The following CDKL1 variants were observed in gnomAD, a reference collection of about 807,000 sequenced individuals.
CDKL1 encodes cyclin-dependent kinase-like 1.
CDKL1 carries 41 observed loss-of-function variants against 42.0 expected under a neutral mutation model. The ratio of observed to expected loss-of-function variants is 0.98; its 90% CI spans 0.76 to 1.27. The LOEUF (loss-of-function observed/expected upper bound fraction) is 1.27, where lower values mean the gene tolerates loss of function less well. CDKL1 is among the 50% of genes most tolerant of loss of function. The pLI is 0.00. For missense variants in CDKL1, 394 were observed against 428.4 expected (o/e 0.92, Z 0.71); for synonymous variants, 153 against 158.6 (o/e 0.96, Z 0.26).
At position 50,385,711 on chromosome 14, in the gene CDKL1, C is replaced by T. The variant is rs908357318; in HGVS notation, c.168+9990G>A. ...CCCAGCTACTCGGGAGGCTGAAGCA[C>T]GAGAATCGCTTGAGCCCAAGGGGTG... On this transcript the variant is annotated intron_variant, in intron 2 of 9. Transcript: ENST00000395834. Among the ~76,000 whole-genome samples, 9 of 147,602 alleles carry T rather than the reference C, an allele frequency of 6.1e-5. 1 individual carries two copies. The South Asian group carries it at 1.3e-3, about 21-fold the overall frequency.
chr14:50,378,416 A>C (rs1463326959), intron 2 of CDKL1: 1 of 1,366,378 alleles, frequency 7.3e-7, no homozygotes, highest in Non-Finnish European at 9.8e-7. Flanking sequence ...GGGCCGTGAT[A>C]GTAGTAAAAT....
intron 2 of CDKL1, among the ~76,000 whole-genome samples, chr14:50,395,381 T>C (rs1381321106): frequency 1.3e-5 from 2 of 152,252 alleles, no homozygotes; most frequent in African/African-American, 4.8e-5. Flanking sequence ...TAGTGACTTG[T>C]GCACAGATAT....
At chr14:50,375,607 G>A (rs933385354) in intron 2 of CDKL1, among the ~76,000 whole-genome samples, 5 of 152,182 alleles carry the variant, frequency 3.3e-5, no homozygotes, top group East Asian at 3.9e-4. Context: ...GACCAGCCTG[G>A]CCAACATGGT....
At chr14:50,334,544 G>A in intron 8 of CDKL1, 21 bp downstream of exon 8, 2 of 1,468,728 alleles carry the variant, frequency 1.4e-6, no homozygotes, top group Non-Finnish European at 1.9e-6. Flanking sequence ...TTCCTGGTCT[G>A]TTGGAAGCCA....
chr14:50,335,392 G>T, intron 7 of CDKL1: 2 of 1,202,702 alleles, frequency 1.7e-6, no homozygotes, highest in South Asian at 1.3e-5. Context: ...GTGAACAGAT[G>T]CTTCTTGATT....
chr14:50,382,279 C>T (rs770718599), intron 2 of CDKL1, among the ~76,000 whole-genome samples: 6 of 152,022 alleles, frequency 3.9e-5, no homozygotes, highest in Non-Finnish European at 5.9e-5. Flanking sequence ...GGTGGAACCC[C>T]GTCTCTACTA....
intron 4 of CDKL1, chr14:50,342,506 T>C (rs2033582063): frequency 2.1e-6 from 2 of 950,706 alleles, no homozygotes; most frequent in Non-Finnish European, 2.7e-6. Context: ...CCAGTTAAAT[T>C]TGAATTTCAG....
chr14:50,377,816 G>T, intron 2 of CDKL1: 1 of 833,544 alleles, frequency 1.2e-6, no homozygotes, highest in Non-Finnish European at 1.6e-6. Flanking sequence ...ATAAATCACT[G>T]AAAAAAGAAA....
chr14:50,335,430 C>A, intron 7 of CDKL1: 1 of 1,494,008 alleles, frequency 6.7e-7, no homozygotes, highest in South Asian at 1.2e-5. Flanking sequence ...TTGTCTCCTC[C>A]CACTAGGGCC....
intron 2 of CDKL1, among the ~76,000 whole-genome samples, chr14:50,393,621 C>A (rs946516908): frequency 2.0e-5 from 3 of 152,152 alleles, no homozygotes; most frequent in East Asian, 3.8e-4. Flanking sequence ...TAGCTAGGAC[C>A]ACAGGCACGC....
chr14:50,332,612 T>G (rs191570046), intron 8 of CDKL1, 180 bp from the exon 9 acceptor site: 3 of 1,499,538 alleles, frequency 2.0e-6, no homozygotes, highest in Admixed American at 2.0e-5. Context: ...ACTCACATAT[T>G]AAATAAATAG....
intron 2 of CDKL1, among the ~76,000 whole-genome samples, chr14:50,369,944 A>AT (rs1688716784): frequency 6.6e-6 from 1 of 152,020 alleles, no homozygotes; most frequent in African/African-American, 2.4e-5. Flanking sequence ...TGGGGTTCAA[A>AT]TTAATGTTAG....
At chr14:50,388,741 G>A (rs1458054090) in intron 2 of CDKL1, among the ~76,000 whole-genome samples, 2 of 152,156 alleles carry the variant, frequency 1.3e-5, no homozygotes, top group Admixed American at 6.5e-5. Flanking sequence ...GATAAGGCAC[G>A]CCAGGCTCCA....
chr14:50,348,035 G>T (rs996567085), intron 3 of CDKL1, among the ~76,000 whole-genome samples: 2 of 152,206 alleles, frequency 1.3e-5, no homozygotes, highest in African/African-American at 4.8e-5. Context: ...CTAGAACTAC[G>T]CTGAAGACTT....
Position 50,328,595 on chromosome 14 carries a change from A to G in CDKL1, c.*1479T>C, listed in dbSNP as rs2032792730. On this transcript the variant is annotated 3_prime_UTR_variant, in exon 10 of 10. Transcript: ENST00000395834. ...AGCACATCAACCAGAAATGGTGTTG[A>G]GCTGTAAGAAACAGACGTCAGGCTT... 1 of 152,212 alleles carries G rather than the reference A, an allele frequency of 6.6e-6. No individual in the cohort carries two copies. The highest frequency in any genetic ancestry group is 6.5e-5 in the Admixed American group (1 of 15,276). 9.4% of individuals were successfully genotyped at this position (152,212 alleles called of 1,614,324 possible).
intron 3 of CDKL1, chr14:50,358,051 G>A (rs1566589753): frequency 1.5e-6 from 2 of 1,356,490 alleles, no homozygotes; most frequent in Non-Finnish European, 9.9e-7. Context: ...TCAACTTCAG[G>A]AAGGGACCCC....
Position 50,378,624 on chromosome 14 carries a change from C to T in CDKL1, c.168+17077G>A, listed in dbSNP as rs185297767. Among the ~76,000 whole-genome samples, 606 of 151,140 alleles carry T rather than the reference C, an allele frequency of 4.0e-3. 3 individuals carry two copies. Among genetic ancestry groups the T allele is most frequent in the African/African-American group, 0.014 (565 of 41,188 alleles). On this transcript the variant is annotated intron_variant, in intron 2 of 9. Transcript: ENST00000395834. ...TCATCGCTCCCTGCAGCCTTGAACT[C>T]CTAGGCTCAAGTGAGCCTCCTGCCT...
chr14:50,353,090 C>T (rs568183955), intron 3 of CDKL1, among the ~76,000 whole-genome samples: 2 of 152,162 alleles, frequency 1.3e-5, no homozygotes, highest in Non-Finnish European at 2.9e-5. Context: ...AGCCTAGAAG[C>T]CATTCTGTCT....
At chr14:50,343,054 G>T (rs749123626) in intron 4 of CDKL1, 58 of 1,333,426 alleles carry the variant, frequency 4.3e-5, no homozygotes, top group Non-Finnish European at 5.5e-5. Context: ...CTTAAACAGG[G>T]TGATCTTAGA....
Sources: allele counts gnomAD v4.1 joint callset (sites outside exome capture counted in the v4.1 genomes callset), GRCh38; gene constraint gnomAD v4.1.1; transcripts MANE v1.5; gene names NCBI Gene and HGNC (gene_info 2026-07-23, HGNC 2026-07-21).